Variants in LDLRAD4 observed in about 807,000 individuals in gnomAD.
The protein encoded by LDLRAD4 is low-density lipoprotein receptor class A domain-containing protein 4.
Under a neutral mutation model 17.0 loss-of-function variants are expected in LDLRAD4, and 5 were observed. The ratio of observed to expected loss-of-function variants is 0.29; its 90% confidence interval spans 0.15 to 0.62. LDLRAD4 has a LOEUF of 0.62. LDLRAD4 is among the 20% of genes least tolerant of loss of function. The pLI, the probability that LDLRAD4 is intolerant of heterozygous loss-of-function variation, is 0.84. For synonymous variants in LDLRAD4, 168 were observed against 171.8 expected, an observed-to-expected ratio of 0.98 and a Z score of 0.17; for missense variants, 340 against 424.7, an observed-to-expected ratio of 0.80 and a Z score of 1.75.
intron 3 of LDLRAD4, among the ~76,000 whole-genome samples, chr18:13,546,642 G>T (rs2094369155): frequency 6.6e-6 from 1 of 151,994 alleles, no homozygotes; most frequent in African/African-American, 2.4e-5. Context: ...GAATAACACT[G>T]GTGGAATTAC....
At chr18:13,224,380 G>A (rs1457988095) in intron 1 of LDLRAD4, among the ~76,000 whole-genome samples, 2 of 152,158 alleles carry the variant, frequency 1.3e-5, no homozygotes, top group African/African-American at 2.4e-5. Context: ...GGGTCTGGGG[G>A]TGTGTGCTGG....
At chr18:13,479,329 T>C (rs1398311261) in intron 3 of LDLRAD4, among the ~76,000 whole-genome samples, 2 of 152,182 alleles carry the variant, frequency 1.3e-5, no homozygotes, top group Non-Finnish European at 2.9e-5. Context: ...TTTTAAGTCA[T>C]TGAAAAGAGG....
At chr18:13,278,060 C>T (rs141914726), upstream of LDLRAD4, 67 of 152,310 alleles carry the variant, frequency 4.4e-4, no homozygotes, top group African/African-American at 1.5e-3. Flanking sequence ...GGGGGACACA[C>T]AAAAAGAAAC....
At chr18:13,242,215 C>T (rs2042695935) in intron 1 of LDLRAD4, 1 of 152,266 alleles carries the variant, frequency 6.6e-6, no homozygotes, top group Non-Finnish European at 1.5e-5. Flanking sequence ...TTCACGTCTG[C>T]AGGAAATTCA....
chr18:13,423,857 T>A lies in LDLRAD4; in HGVS notation c.41-14387T>A, dbSNP rs571509934. ...TTAAAACATCTTCCAGTGTTAGGCCTGGTGCGATGGCTCATGCGTGTAATC... is the reference window on the plus strand; with the variant it reads ...TTAAAACATCTTCCAGTGTTAGGCCAGGTGCGATGGCTCATGCGTGTAATC... On this transcript the variant is annotated intron_variant, in intron 2 of 5. Transcript: ENST00000359446. Among the ~76,000 whole-genome samples the A allele has an allele frequency of 5.3e-5, 8 of 152,206 alleles. No homozygotes were observed. The East Asian group carries it at 1.4e-3, about 26-fold the overall frequency.
At chr18:13,218,491 C>T (rs934983026), upstream of LDLRAD4, among the ~76,000 whole-genome samples, 1 of 152,162 alleles carries the variant, frequency 6.6e-6, no homozygotes, top group African/African-American at 2.4e-5. Context: ...CAACTGTCTC[C>T]GCGCCCCTAG....
intron 3 of LDLRAD4, among the ~76,000 whole-genome samples, chr18:13,477,503 G>T (rs959619712): frequency 3.3e-5 from 5 of 152,198 alleles, no homozygotes; most frequent in African/African-American, 1.2e-4. Context: ...AAGCCCAAGC[G>T]GAGAAAACCT....
At chr18:13,273,550 T>C (rs1258076224), upstream of LDLRAD4, among the ~76,000 whole-genome samples, 1 of 152,136 alleles carries the variant, frequency 6.6e-6, no homozygotes, top group Non-Finnish European at 1.5e-5. Flanking sequence ...CCTTGGCCTC[T>C]CAAAGTGCTG....
At chr18:13,273,320 A>G (rs527245306), upstream of LDLRAD4, among the ~76,000 whole-genome samples, 36 of 152,110 alleles carry the variant, frequency 2.4e-4, no homozygotes, top group African/African-American at 8.7e-4. Context: ...TTTGTTTTTG[A>G]GACAGGGTCT....
chr18:13,374,078 T>C (rs996782733), intron 1 of LDLRAD4, among the ~76,000 whole-genome samples: 3 of 152,260 alleles, frequency 2.0e-5, no homozygotes, highest in African/African-American at 7.2e-5. Flanking sequence ...TTTTACCTTT[T>C]AGAGAAATCA....
chr18:13,404,192 T>C (rs2087498050), intron 2 of LDLRAD4, among the ~76,000 whole-genome samples: 1 of 152,208 alleles, frequency 6.6e-6, no homozygotes, highest in Admixed American at 6.5e-5. Context: ...GAACCCTTCC[T>C]TGAGCGTTGT....
At chr18:13,538,380 C>T (rs1474500670) in intron 3 of LDLRAD4, among the ~76,000 whole-genome samples, 1 of 152,058 alleles carries the variant, frequency 6.6e-6, no homozygotes, top group African/African-American at 2.4e-5. Context: ...TACTGTGATT[C>T]AATTCAAAAT....
chr18:13,504,140 G>T (rs2147334604), intron 3 of LDLRAD4, among the ~76,000 whole-genome samples: 1 of 152,296 alleles, frequency 6.6e-6, no homozygotes, highest in African/African-American at 2.4e-5. Context: ...ACTGAGCTGG[G>T]CAATCTGGCC....
intron 4 of LDLRAD4, among the ~76,000 whole-genome samples, chr18:13,635,188 C>T (rs913466209): frequency 1.3e-5 from 2 of 152,232 alleles, no homozygotes; most frequent in African/African-American, 4.8e-5. Flanking sequence ...ACACTGATTT[C>T]TCATTCTGGA....
intron 3 of LDLRAD4, among the ~76,000 whole-genome samples, chr18:13,565,458 C>T (rs566842509): frequency 6.6e-5 from 10 of 152,356 alleles, no homozygotes; most frequent in South Asian, 2.1e-4. Flanking sequence ...AGGGGCGCTG[C>T]GGTCCTCAGC....
At chr18:13,610,843 G>A (rs1231143015) in intron 3 of LDLRAD4, among the ~76,000 whole-genome samples, 1 of 152,128 alleles carries the variant, frequency 6.6e-6, no homozygotes, top group African/African-American at 2.4e-5. Flanking sequence ...CACCCAGCAG[G>A]GTGACTCTGA....
At chr18:13,548,853 G>A (rs571791920) in intron 3 of LDLRAD4, among the ~76,000 whole-genome samples, 5 of 152,224 alleles carry the variant, frequency 3.3e-5, no homozygotes, top group Non-Finnish European at 7.3e-5. Context: ...TCATGGCAGC[G>A]GCCATTCTAG....
chr18:13,324,231 G>A (rs1242805457), intron 1 of LDLRAD4, among the ~76,000 whole-genome samples: 5 of 150,688 alleles, frequency 3.3e-5, no homozygotes, highest in South Asian at 2.1e-4. Flanking sequence ...TCCGCCTCCC[G>A]GGTTCACACC....
intron 1 of LDLRAD4, among the ~76,000 whole-genome samples, chr18:13,306,872 C>G (rs1374813465): frequency 2.6e-5 from 4 of 152,050 alleles, no homozygotes; most frequent in Non-Finnish European, 5.9e-5. Context: ...AGATATGGAT[C>G]TTGGAGAAAT....
Sources: gnomAD v4.1 joint callset for allele counts (sites outside exome capture counted in the v4.1 genomes callset) on GRCh38, gnomAD v4.1.1 for gene constraint, MANE v1.5 for transcripts, NCBI Gene and HGNC (gene_info 2026-07-23, HGNC 2026-07-21) for gene names.